CELF2: variants seen among roughly 807,000 people sequenced by gnomAD.
CELF2 encodes CUGBP Elav-like family member 2, also known as CUG triplet repeat RNA-binding protein 2.
In CELF2, 8 loss-of-function variants were observed where a neutral mutation model predicts 62.6. The observed-to-expected ratio is 0.13, with a 90% CI of 0.07 to 0.23. The LOEUF is 0.23. Among genes scored for constraint, CELF2 ranks in the 10% least tolerant of loss-of-function variants. The probability of loss-of-function intolerance (pLI) is 1.00; values close to 1 mark genes in which losing one functional copy is unlikely to be tolerated. For missense variants in CELF2, 333 were observed against 671.0 expected (o/e 0.50, Z 5.56); for synonymous variants, 258 against 250.0 (o/e 1.03, Z -0.30).
intron 1 of CELF2, among the ~76,000 whole-genome samples, chr10:11,095,673 GTA>G (rs2049642137): frequency 6.6e-6 from 1 of 152,146 alleles, no homozygotes; most frequent in Non-Finnish European, 1.5e-5. Flanking sequence ...AGAGGTTGTG[GTA>G]GAATTTTTGT....
intron 1 of CELF2, among the ~76,000 whole-genome samples, chr10:10,906,211 T>C (rs1373115141): frequency 1.3e-5 from 2 of 152,242 alleles, no homozygotes; most frequent in Admixed American, 1.3e-4. Context: ...GGATACGTGG[T>C]GAAAATATTC....
At chr10:10,647,040 T>G in the CELF2 span, among the ~76,000 whole-genome samples, 1 of 152,188 alleles carries the variant, frequency 6.6e-6, no homozygotes, top group South Asian at 2.1e-4. Context: ...TCTGTGACAT[T>G]ATAAATAGGG....
At chr10:10,524,339 T>G in the CELF2 span, among the ~76,000 whole-genome samples, 2 of 151,550 alleles carry the variant, frequency 1.3e-5, no homozygotes, top group Admixed American at 1.3e-4. Flanking sequence ...GATCTCTTCC[T>G]ATTTGTGTAG....
At chr10:10,491,442 G>A in the CELF2 span, among the ~76,000 whole-genome samples, 1 of 152,066 alleles carries the variant, frequency 6.6e-6, no homozygotes, top group African/African-American at 2.4e-5. Flanking sequence ...GTATCTTCAG[G>A]AAGATAATCT....
rs183544375 is a variant in CELF2 at position 10,998,063 on chromosome 10, T to G, written c.89+78064T>G. The stretch of plus-strand genomic sequence containing the variant: ...ACACGCTCTCTTGCCTGCCACCATG[T>G]AAGATGTGACTTTGCTCCTATTCAC... On this transcript the variant is annotated intron_variant, in intron 2 of 13. Transcript: ENST00000636488. Among the ~76,000 whole-genome samples the G allele has an allele frequency of 2.4e-4, 37 of 152,354 alleles. 1 individual carries two copies. In the East Asian group the frequency reaches 6.6e-3, roughly 27 times the overall value.
chr10:11,322,820 C>T (rs1249022551), intron 11 of CELF2, among the ~76,000 whole-genome samples: 1 of 152,032 alleles, frequency 6.6e-6, no homozygotes, highest in East Asian at 1.9e-4. Flanking sequence ...GTTCCCCAGG[C>T]TTGTGAAAGA....
At chr10:11,143,068 C>T (rs149779101) in intron 1 of CELF2, among the ~76,000 whole-genome samples, 3 of 150,956 alleles carry the variant, frequency 2.0e-5, no homozygotes, top group African/African-American at 7.3e-5. Flanking sequence ...TCACTCCCCT[C>T]GTGATTCTTC....
At chr10:10,619,779 G>A in the CELF2 span, among the ~76,000 whole-genome samples, 1 of 152,184 alleles carries the variant, frequency 6.6e-6, no homozygotes, top group Admixed American at 6.5e-5. Flanking sequence ...GGGTTTGGGG[G>A]TAGAAATTGA....
intron 3 of CELF2, among the ~76,000 whole-genome samples, chr10:11,236,001 C>G (rs917162442): frequency 1.3e-5 from 2 of 152,070 alleles, no homozygotes; most frequent in Admixed American, 1.3e-4. Flanking sequence ...ATGTGTCTGT[C>G]GTAAATGAAG....
chr10:11,043,304 C>T (rs955850809), intron 1 of CELF2, among the ~76,000 whole-genome samples: 2 of 152,160 alleles, frequency 1.3e-5, no homozygotes, highest in African/African-American at 2.4e-5. Flanking sequence ...CCTGACTCAC[C>T]GTCACCATTC....
Position 11,223,354 on chromosome 10 carries a change from G to GTGTA in CELF2, c.354+5850_354+5851insATGT, listed in dbSNP as rs1158629674. ...TTGTGGAGCACCCCAGCATACAAAC[G>GTGTA]TGTGGAACATACACGTATTCCACAC... On this transcript the variant is annotated intron_variant, in intron 3 of 12. Coordinates refer to ENST00000633077, the MANE Select transcript of CELF2 (RefSeq NM_001326342.2). The surrounding 1 kb of genome is among the most constrained non-coding windows in gnomAD (Gnocchi z 5.1). Among the ~76,000 whole-genome samples the GTGTA allele has an allele frequency of 6.6e-6, 1 of 152,196 alleles. No individual in the cohort carries two copies. Among genetic ancestry groups the GTGTA allele is most frequent in the East Asian group, 1.9e-4 (1 of 5,194 alleles).
At chr10:10,986,204 T>C (rs2052732006) in intron 2 of CELF2, among the ~76,000 whole-genome samples, 1 of 152,228 alleles carries the variant, frequency 6.6e-6, no homozygotes, top group Non-Finnish European at 1.5e-5. Context: ...GTATATTCTC[T>C]GTATTTCAAA....
At chr10:11,128,695 T>C (rs2059132390) in intron 1 of CELF2, among the ~76,000 whole-genome samples, 1 of 152,212 alleles carries the variant, frequency 6.6e-6, no homozygotes, top group Non-Finnish European at 1.5e-5. Flanking sequence ...TATTGGTGTA[T>C]AGGAATGCTT....
intron 2 of CELF2, among the ~76,000 whole-genome samples, chr10:11,195,232 C>T (rs947661765): frequency 1.3e-5 from 2 of 152,224 alleles, no homozygotes. Flanking sequence ...GCGAGACTAT[C>T]CTCCAAGTGC....
In CELF2 at chr10:11,323,568, A is replaced by G. The variant is rs2095566490; in HGVS notation, c.1294+2182A>G. On this transcript the variant is annotated intron_variant, in intron 11 of 12. Coordinates refer to ENST00000633077, the MANE Select transcript of CELF2 (RefSeq NM_001326342.2). ...CTCTGATGGCCCGCCTCTGTCCATT[A>G]CCTGCAGGAGGCGAGTCCCATGAGG... Among the ~76,000 whole-genome samples the G allele has an allele frequency of 2.0e-5, 3 of 152,040 alleles. No individual in the cohort carries two copies. The South Asian group carries it at 6.2e-4, about 32-fold the overall frequency.
At chr10:10,534,775 T>C in the CELF2 span, among the ~76,000 whole-genome samples, 4 of 152,188 alleles carry the variant, frequency 2.6e-5, no homozygotes, top group Admixed American at 6.5e-5. Flanking sequence ...CACCCTGATA[T>C]ATTATTATGG....
chr10:11,115,741 C>T (rs1212135764), intron 1 of CELF2, among the ~76,000 whole-genome samples: 1 of 152,170 alleles, frequency 6.6e-6, no homozygotes, highest in South Asian at 2.1e-4. Context: ...TACTGAAATG[C>T]ATGATGAAAA....
chr10:11,186,692 A>G (rs1444346929), intron 2 of CELF2, among the ~76,000 whole-genome samples: 2 of 152,204 alleles, frequency 1.3e-5, no homozygotes, highest in African/African-American at 4.8e-5. Context: ...CAGTACTGAC[A>G]TGATGTTCAA....
chr10:10,584,953 G>C, the CELF2 span, among the ~76,000 whole-genome samples: 1 of 152,148 alleles, frequency 6.6e-6, no homozygotes, highest in African/African-American at 2.4e-5. Context: ...AATTTTGAGA[G>C]AAGTAAGTTT....
Sources: gnomAD v4.1 joint callset for allele counts (sites outside exome capture counted in the v4.1 genomes callset) on GRCh38, gnomAD v4.1.1 for gene constraint, Gnocchi (gnomAD v3.1) non-coding constraint, MANE v1.5 for transcripts, NCBI Gene and HGNC (gene_info 2026-07-23, HGNC 2026-07-21) for gene names.